Variants in FRAS1 observed in about 807,000 individuals in gnomAD.
FRAS1 encodes the protein Fraser extracellular matrix complex subunit 1, also known as extracellular matrix organizing protein FRAS1.
In FRAS1, 290 loss-of-function variants were observed where a neutral mutation model predicts 435.2. The observed-to-expected ratio is 0.67, with a 90% CI of 0.61 to 0.73. The LOEUF (loss-of-function observed/expected upper bound fraction) is 0.73. FRAS1 is among the 30% of genes least tolerant of loss of function. The pLI, the probability that FRAS1 is intolerant of heterozygous loss-of-function variation, is 0.00. For missense variants in FRAS1, 4,860 were observed against 5,001.5 expected, an observed-to-expected ratio of 0.97 and a Z score of 0.85; for synonymous variants, 1,800 against 1,851.0, an observed-to-expected ratio of 0.97 and a Z score of 0.71.
intron 1 of FRAS1, among the ~76,000 whole-genome samples, chr4:78,061,799 A>G (rs1448483797): frequency 6.6e-6 from 1 of 152,184 alleles, no homozygotes; most frequent in Non-Finnish European, 1.5e-5. Context: ...ATCAAAACCA[A>G]AGCCAAAAAA....
intron 32 of FRAS1, among the ~76,000 whole-genome samples, chr4:78,414,898 G>A (rs1421133223): frequency 6.6e-6 from 1 of 152,186 alleles, no homozygotes; most frequent in Non-Finnish European, 1.5e-5. Flanking sequence ...TAAATGCCAT[G>A]GCAGAGCAAT....
chr4:78,331,846 GT>G (rs1729962393), intron 18 of FRAS1, among the ~76,000 whole-genome samples: 1 of 152,192 alleles, frequency 6.6e-6, no homozygotes, highest in African/African-American at 2.4e-5. Context: ...TTAACATGTA[GT>G]TTTTATTATT....
intron 9 of FRAS1, among the ~76,000 whole-genome samples, chr4:78,268,902 C>T (rs1726507928): frequency 6.6e-6 from 1 of 152,212 alleles, no homozygotes; most frequent in Admixed American, 6.5e-5. Context: ...GTTACTTCCA[C>T]TCCACTGCCA....
intron 5 of FRAS1, among the ~76,000 whole-genome samples, chr4:78,253,992 C>CTTGTTTGTCT (rs71661155): frequency 1.3e-5 from 1 of 78,052 alleles, no homozygotes; most frequent in Non-Finnish European, 2.5e-5. Context: ...TTTGTCTTTA[C>CTTGTTTGTCT]TTATTTGTCT....
At chr4:78,119,496 T>C (rs1354298477) in intron 2 of FRAS1, among the ~76,000 whole-genome samples, 1 of 152,202 alleles carries the variant, frequency 6.6e-6, no homozygotes, top group Non-Finnish European at 1.5e-5. Flanking sequence ...CCATCTATTT[T>C]TCTGTGAATG....
At position 78,512,838 on chromosome 4, in the gene FRAS1, G is replaced by A. The variant is rs528196750; in HGVS notation, c.10014-554G>A. The stretch of plus-strand genomic sequence containing the variant: ...TGATAGGACTTACAGGCAGACTGGA[G>A]AGAGAAGGCTGTTTTCAGTCAGGAG... On this transcript the variant is annotated intron_variant, in intron 64 of 73. Transcript: ENST00000512123. 2.6e-5 allele frequency among the ~76,000 whole-genome samples: 4 copies of A among 152,358 alleles called. No individual in the cohort carries two copies. In the South Asian group the frequency reaches 8.3e-4, roughly 32 times the overall value.
chr4:78,414,992 T>A (rs546337972), intron 32 of FRAS1, among the ~76,000 whole-genome samples: 6 of 152,212 alleles, frequency 3.9e-5, no homozygotes, highest in Non-Finnish European at 8.8e-5. Context: ...TGAACAGAGC[T>A]GGGTGAGTGT....
At position 78,224,263 on chromosome 4, in the gene FRAS1, A is replaced by G. The variant is rs535300836; in HGVS notation, c.109-13247A>G. On this transcript the variant is annotated intron_variant, in intron 2 of 73. Transcript: ENST00000512123. ...TTCATTTGAAAGATCGTGGTCCTTG[A>G]CGCCAGTCAGTCCTACTTTCAAATC... Among the ~76,000 whole-genome samples the G allele has an allele frequency of 2.6e-5, 4 of 152,332 alleles. No homozygotes were observed. In the South Asian group the frequency reaches 8.3e-4, roughly 32 times the overall value.
intron 2 of FRAS1, among the ~76,000 whole-genome samples, chr4:78,070,205 G>T (rs758819786): frequency 6.6e-6 from 1 of 152,012 alleles, no homozygotes. Context: ...ACAATGTACA[G>T]TGTATTATGT....
intron 58 of FRAS1, 58 bp downstream of exon 58, chr4:78,482,593 C>A (rs924149): frequency 0.28 from 437,015 of 1,548,498 alleles, 66,781 homozygotes; most frequent in East Asian, 0.53. Context: ...TTTTCTTTAA[C>A]GTCCACATAT....
At chr4:78,240,074 A>G (rs541658683) in intron 3 of FRAS1, among the ~76,000 whole-genome samples, 19 of 152,238 alleles carry the variant, frequency 1.2e-4, no homozygotes, top group African/African-American at 4.6e-4. Flanking sequence ...TACTGACTGA[A>G]TGAATGAATT....
At chr4:78,241,042 G>T (rs1378283393) in intron 3 of FRAS1, among the ~76,000 whole-genome samples, 1 of 152,140 alleles carries the variant, frequency 6.6e-6, no homozygotes, top group Non-Finnish European at 1.5e-5. Context: ...TGATCTCAAT[G>T]GAGTGGGGGG....
At chr4:78,435,227 A>C (rs1300150001) in intron 38 of FRAS1, among the ~76,000 whole-genome samples, 1 of 152,162 alleles carries the variant, frequency 6.6e-6, no homozygotes, top group Non-Finnish European at 1.5e-5. Context: ...TACACTCTGC[A>C]CTTGCTCCAG....
chr4:78,247,943 C>T (rs140453148), intron 4 of FRAS1, among the ~76,000 whole-genome samples: 55 of 152,118 alleles, frequency 3.6e-4, no homozygotes, highest in Non-Finnish European at 7.5e-4. Flanking sequence ...TGATACTGTC[C>T]CCGGAGAATA....
intron 14 of FRAS1, among the ~76,000 whole-genome samples, chr4:78,301,846 G>GTTTTT (rs59794614): frequency 3.3e-4 from 34 of 103,928 alleles, no homozygotes; most frequent in African/African-American, 5.9e-4. Flanking sequence ...CACAGAAACA[G>GTTTTT]TTTTTTTTTT....
intron 54 of FRAS1, among the ~76,000 whole-genome samples, chr4:78,477,078 G>A (rs1719874290): frequency 6.6e-6 from 1 of 151,646 alleles, no homozygotes; most frequent in Non-Finnish European, 1.5e-5. Context: ...GTTTTGTACT[G>A]GGCTAAATTG....
intron 70 of FRAS1, among the ~76,000 whole-genome samples, chr4:78,527,598 T>C (rs1721579960): frequency 6.6e-6 from 1 of 152,168 alleles, no homozygotes; most frequent in African/African-American, 2.4e-5. Flanking sequence ...AATTGGCTAT[T>C]GGATTCGTCA....
Position 78,541,095 on chromosome 4 carries a change from A to C in FRAS1, c.12010A>C (p.Asn4004His). The C allele has an allele frequency of 7.2e-7, 1 of 1,381,550 alleles. No homozygotes were observed. The highest frequency in any genetic ancestry group is 9.4e-7 in the Non-Finnish European group (1 of 1,058,910). The allele number at this position is 1,381,550 out of a possible 1,614,324, so 85.6% of individuals were successfully genotyped here. A position where few individuals can be genotyped will look rare whatever the true frequency, so the allele number is the denominator to read the frequency against. The change falls in exon 74 of 74, where the codon AAC becomes CAC. Residue 4004 changes from asparagine (N) to histidine (H), a missense_variant. Asn to His is a moderately conservative substitution (Grantham distance 68). Transcript: ENST00000512123. ...KRLNLEVRVHNNLQDGTEV is the reference protein window; with the variant it reads ...KRLNLEVRVHHNLQDGTEV The stretch of plus-strand genomic sequence containing the variant: ...ACTGAATCTAGAAGTCAGAGTTCAC[A>C]ACAATTTACAAGATGGAACAGAAGT...
At chr4:78,360,141 G>A (rs1261174082) in intron 20 of FRAS1, among the ~76,000 whole-genome samples, 1 of 152,198 alleles carries the variant, frequency 6.6e-6, no homozygotes, top group Admixed American at 6.5e-5. Flanking sequence ...ACCCAGCCAA[G>A]AAGAGCACCT....
Sources: gnomAD v4.1 joint callset for allele counts (sites outside exome capture counted in the v4.1 genomes callset) on GRCh38, gnomAD v4.1.1 for gene constraint, MANE v1.5 for transcripts, NCBI Gene and HGNC (gene_info 2026-07-23, HGNC 2026-07-21) for gene names.